The following PKP3 variants were observed in gnomAD, a reference collection of about 807,000 sequenced individuals.
PKP3 encodes the protein plakophilin-3.
A neutral mutation model predicts 76.5 loss-of-function variants in PKP3; 66 were observed. The ratio of observed to expected loss-of-function variants is 0.86; its 90% CI spans 0.71 to 1.06. PKP3 has a LOEUF of 1.06. PKP3 is among the 50% of genes least tolerant of loss of function. The pLI is 0.00. For missense variants in PKP3, 1,338 were observed against 1,141.0 expected (o/e 1.17, Z -2.49); for synonymous variants, 638 against 516.5 (o/e 1.24, Z -3.19).
At position 394,384 on chromosome 11, in the gene PKP3, G is replaced by A. The variant is rs1448596797; in HGVS notation, c.92G>A (p.Arg31Gln). 1.3e-5 allele frequency: 20 copies of A among 1,490,346 alleles called. No homozygotes were observed. The highest frequency in any genetic ancestry group is 2.4e-4 in the Middle Eastern group (1 of 4,232). 92.3% of individuals were successfully genotyped at this position (1,490,346 alleles called of 1,614,324 possible). A position where few individuals can be genotyped will look rare whatever the true frequency, so the allele number is the denominator to read the frequency against. ...CCCTCTGACCTGCAGCTGGACCGCC[G>A]GGGCGCCGAGGGGCCGGAGGCCGAG... The part of the protein sequence containing the change: ...ALPSDLQLDR[R>Q]GAEGPEAERL... Residue 31 changes from arginine (R) to glutamine (Q), a missense_variant, in exon 1 of 13, where the codon CGG (arginine) becomes CAG (glutamine). Transcript: ENST00000331563.
At position 396,686 on chromosome 11, in the gene PKP3, C is replaced by T. The variant is rs149396982; in HGVS notation, c.311C>T (p.Ser104Leu). ...RSQGLSGDKT[S>L]GFRPIAKPAY... is the part of the protein sequence containing the mutation. The stretch of plus-strand genomic sequence containing the variant: ...CAGGGCCTGAGTGGGGACAAGACCT[C>T]GGTGAGCGATGGGCCCAGCCCGAGG... The change falls in exon 2 of 13, where the codon TCG becomes TTG. Residue 104 changes from serine to leucine, a missense_variant and splice_region_variant. Ser to Leu is a moderately radical substitution (Grantham distance 145). Coordinates refer to ENST00000331563, the MANE Select transcript of PKP3 (RefSeq NM_007183.4). 28 of 1,609,612 alleles carry T rather than the reference C, an allele frequency of 1.7e-5. No individual in the cohort carries two copies. The highest frequency in any genetic ancestry group is 5.3e-5 in the African/African-American group (4 of 74,898).
At position 397,140 on chromosome 11, in the gene PKP3, T is replaced by C; in HGVS notation, c.639T>C (p.Phe213=). Residue 213 remains phenylalanine, a synonymous_variant, in exon 3 of 13, where the codon TTT becomes TTC. Transcript: ENST00000331563. The part of the protein sequence containing the change: ...EPAATSTYRA[F]AYERQASSSS... ...CGGCCACCTCCACCTACAGGGCCTT[T>C]GCGTACGAGCGCCAGGCCAGCTCCA... 5.6e-6 allele frequency: 9 copies of C among 1,597,860 alleles called. No homozygotes were observed. The highest frequency in any genetic ancestry group is 6.8e-6 in the Non-Finnish European group (8 of 1,179,226).
chr11:403,224 C>G lies in PKP3; in HGVS notation c.1884C>G (p.Ala628=). Residue 628 remains alanine (A), a synonymous_variant, in exon 9 of 13, where the codon GCC becomes GCG. Transcript: ENST00000331563. ...TCAACCGGCACACGACGGAGGCGGC[C>G]GCCGGGGCGCTGCAGAACATCACGG... ...CELNRHTTEA[A]AGALQNITAG... The G allele has an allele frequency of 6.3e-7, 1 of 1,588,384 alleles. No individual in the cohort carries two copies. The highest frequency in any genetic ancestry group is 8.5e-7 in the Non-Finnish European group (1 of 1,170,462).
At chr11:392,878 C>A (rs1163084272), upstream of PKP3, among the ~76,000 whole-genome samples, 1 of 152,012 alleles carries the variant, frequency 6.6e-6, no homozygotes, top group Non-Finnish European at 1.5e-5. Flanking sequence ...CTTAATGCTG[C>A]CTCCTAACCC....
In PKP3 at chr11:396,867, C is replaced by T. The variant is rs1234186560; in HGVS notation, c.366C>T (p.Arg122=). The T allele has an allele frequency of 6.2e-7, 1 of 1,600,240 alleles. No homozygotes were observed. Among genetic ancestry groups the T allele is most frequent in the Non-Finnish European group, 8.5e-7 (1 of 1,176,642 alleles). ...PAYSPASWSS[R]SAVDLSCSRR... Reference sequence around the variant, plus strand: ...ACAGCCCAGCCTCCTGGTCCTCCCGCTCCGCCGTGGATCTGAGCTGCAGTC... The same window carrying T: ...ACAGCCCAGCCTCCTGGTCCTCCCGTTCCGCCGTGGATCTGAGCTGCAGTC... Residue 122 remains arginine (R), a synonymous_variant, in exon 3 of 13, where the codon CGC becomes CGT. Transcript: ENST00000331563.
chr11:396,585 G>T, intron 1 of PKP3, 23 bp from the exon 2 acceptor site: 1 of 1,559,758 alleles, frequency 6.4e-7, no homozygotes, highest in Non-Finnish European at 8.7e-7. Flanking sequence ...GCAGAGCTGG[G>T]CTACCACCGT....
chr11:400,061 G>C lies in PKP3; in HGVS notation c.1368G>C (p.Leu456=), dbSNP rs775824359. ...TCACAGACCTGGTGTTGAGCCCCCTGTCGGGGGCTGGGGGTCCCCCCCTCA... is the reference window on the plus strand; with the variant it reads ...TCACAGACCTGGTGTTGAGCCCCCTCTCGGGGGCTGGGGGTCCCCCCCTCA... The part of the protein sequence containing the change: ...EQLTDLVLSP[L]SGAGGPPLIQ... The change falls in exon 6 of 13, where the codon CTG becomes CTC. Residue 456 remains leucine, a synonymous_variant. Transcript: ENST00000331563. 57 of 1,603,290 alleles carry C rather than the reference G, an allele frequency of 3.6e-5. No homozygotes were observed. The highest frequency in any genetic ancestry group is 5.1e-5 in the Admixed American group (3 of 58,650).
chr11:399,336 C>T (rs1434012146), intron 5 of PKP3, 140 bp downstream of exon 5: 4 of 314,744 alleles, frequency 1.3e-5, no homozygotes, highest in African/African-American at 4.7e-5. Context: ...TGCCACCTGC[C>T]CCCCTACTCC....
chr11:400,869 A>ACCCGCCCCGCTCACC (rs1847148092), intron 8 of PKP3, among the ~76,000 whole-genome samples, 164 bp downstream of exon 8: 3 of 8,668 alleles, frequency 3.5e-4, no homozygotes, highest in South Asian at 4.1e-3. Flanking sequence ...CCCCGCTCAC[A>ACCCGCCCCGCTCACC]CCCGCCCCGC....
intron 6 of PKP3, 94 bp from the exon 7 acceptor site, chr11:400,240 G>A (rs1847128825): frequency 2.8e-6 from 4 of 1,411,816 alleles, no homozygotes; most frequent in Non-Finnish European, 3.8e-6. Context: ...CGCACGCCTC[G>A]CGCTGGGGAT....
intron 4 of PKP3, 155 bp downstream of exon 4, chr11:397,817 G>A: frequency 1.4e-6 from 1 of 702,262 alleles, no homozygotes; most frequent in Non-Finnish European, 2.3e-6. Flanking sequence ...CAGAGGAAGA[G>A]CAGAAGGATA....
chr11:398,254 T>TC, intron 4 of PKP3, among the ~76,000 whole-genome samples: 1 of 80,976 alleles, frequency 1.2e-5, no homozygotes, highest in Non-Finnish European at 2.3e-5. Context: ...CACATATACC[T>TC]CATCACCTCC....
At position 399,214 on chromosome 11, in the gene PKP3, C is replaced by T; in HGVS notation, c.1273+18C>T. 1.3e-6 allele frequency: 2 copies of T among 1,518,998 alleles called. No homozygotes were observed. The highest frequency in any genetic ancestry group is 1.8e-6 in the Non-Finnish European group (2 of 1,123,994). The allele number at this position is 1,518,998 out of a possible 1,614,324, so 94.1% of individuals were successfully genotyped here. A position where few individuals can be genotyped will look rare whatever the true frequency, so the allele number is the denominator to read the frequency against. On this transcript the variant is annotated intron_variant, in intron 5 of 12. Transcript: ENST00000331563. ...TGTCACAGGTGCTGCCTGTCCCCTC[C>T]TCCACCTGTCCTTCCTCCACCTGCG... is the stretch of plus-strand genomic sequence containing the variant.
In PKP3 at chr11:400,026, C is replaced by G; in HGVS notation, c.1333C>G (p.Leu445Val). The G allele has an allele frequency of 6.2e-7, 1 of 1,608,198 alleles. No individual in the cohort carries two copies. ...GAAGGACCGCCTGGCCAGAGACACG[C>G]TGGAGCAGCTCACAGACCTGGTGTT... Reference protein sequence around the residue: ...HLKDRLARDTLEQLTDLVLSP... With the variant: ...HLKDRLARDTVEQLTDLVLSP... Residue 445 changes from leucine (L) to valine (V), a missense_variant, in exon 6 of 13, where the codon CTG becomes GTG. By Grantham distance (32) the Leu-to-Val change is conservative. Transcript: ENST00000331563.
At chr11:392,601 G>A (rs1846988686), upstream of PKP3, 20 of 1,256,142 alleles carry the variant, frequency 1.6e-5, no homozygotes, top group Non-Finnish European at 2.1e-5. Flanking sequence ...CCGCCGCAGA[G>A]GCTGCCCCGC....
intron 9 of PKP3, 112 bp from the exon 10 acceptor site, chr11:403,506 C>A: frequency 9.0e-7 from 1 of 1,107,894 alleles, no homozygotes; most frequent in South Asian, 1.5e-5. Context: ...AAGGCAGAAG[C>A]AGAGGCCCCC....
In PKP3 at chr11:403,137, C is replaced by T. The variant is rs770036181; in HGVS notation, c.1797C>T (p.Leu599=). ...AGGTGTCCAAGGACCCCAAGGGCCT[C>T]GAGTGGCTGTGGAGCCCCCAGATCG... ...FAEVSKDPKG[L]EWLWSPQIVG... Residue 599 remains leucine, a synonymous_variant, in exon 9 of 13, where the codon CTC becomes CTT. Coordinates refer to ENST00000331563, the MANE Select transcript of PKP3 (RefSeq NM_007183.4). The T allele has an allele frequency of 7.6e-6, 12 of 1,574,628 alleles. No homozygotes were observed. Among genetic ancestry groups the T allele is most frequent in the Admixed American group, 1.8e-5 (1 of 54,184 alleles).
chr11:399,612 T>A (rs1411641522), intron 5 of PKP3, among the ~76,000 whole-genome samples: 3 of 130,952 alleles, frequency 2.3e-5, no homozygotes, highest in African/African-American at 9.0e-5. Flanking sequence ...CCCCTCCACC[T>A]CATTCGGTTC....
Position 403,976 on chromosome 11 carries a change from T to G in PKP3, c.2111T>G (p.Leu704Arg), listed in dbSNP as rs1431696103. 6.2e-7 allele frequency: 1 copy of G among 1,607,378 alleles called. No individual in the cohort carries two copies. The highest frequency in any genetic ancestry group is 1.7e-5 in the Admixed American group (1 of 59,668). The part of the protein sequence containing the change: ...TKVVSHLIEK[L>R]PGSVGEKSPP... ...GTGGTGAGCCACCTGATCGAGAAGCTGCCGGGCAGCGTGGGTGAGAAGTCG... is the reference window on the plus strand; with the variant it reads ...GTGGTGAGCCACCTGATCGAGAAGCGGCCGGGCAGCGTGGGTGAGAAGTCG... The change falls in exon 11 of 13, where the codon CTG becomes CGG. Residue 704 changes from leucine to arginine, a missense_variant. Leu to Arg is a moderately radical substitution (Grantham distance 102). Coordinates refer to ENST00000331563, the MANE Select transcript of PKP3 (RefSeq NM_007183.4).
Sources: gnomAD v4.1 joint callset for allele counts (sites outside exome capture counted in the v4.1 genomes callset) on GRCh38, gnomAD v4.1.1 for gene constraint, MANE v1.5 for transcripts, NCBI Gene and HGNC (gene_info 2026-07-23, HGNC 2026-07-21) for gene names.